ATP8B4: variants seen among roughly 807,000 people sequenced by gnomAD.
ATP8B4 encodes ATPase phospholipid transporting 8B4 (putative), also known as probable phospholipid-transporting ATPase IM.
ATP8B4 carries 133 observed loss-of-function variants against 145.6 expected under a neutral mutation model. The observed-to-expected ratio is 0.91, with a 90% CI of 0.79 to 1.05. The LOEUF (loss-of-function observed/expected upper bound fraction) is 1.05. Ranked by LOEUF, ATP8B4 falls within the 50% of genes least tolerant of loss-of-function variation. The pLI is 0.00. For synonymous variants in ATP8B4, 507 were observed against 492.9 expected (o/e 1.03, Z -0.38); for missense variants, 1,458 against 1,425.2 (o/e 1.02, Z -0.37).
chr15:50,144,349 G>C (rs1277426893), intron 1 of ATP8B4, among the ~76,000 whole-genome samples: 1 of 152,210 alleles, frequency 6.6e-6, no homozygotes, highest in Non-Finnish European at 1.5e-5. Context: ...TCACACTGCT[G>C]TAAAGAAATA....
intron 6 of ATP8B4, among the ~76,000 whole-genome samples, chr15:50,017,892 T>C (rs1221338935): frequency 6.6e-6 from 1 of 152,238 alleles, no homozygotes; most frequent in Non-Finnish European, 1.5e-5. Flanking sequence ...CAGAACTTTT[T>C]AAGAAAATTT....
At chr15:49,864,826 GTAT>G (rs1321378334) in intron 26 of ATP8B4, among the ~76,000 whole-genome samples, 1 of 152,124 alleles carries the variant, frequency 6.6e-6, no homozygotes, top group Non-Finnish European at 1.5e-5. Context: ...TGCTTTATAT[GTAT>G]TATTTCATTT....
chr15:50,075,744 C>T (rs1002570315), intron 2 of ATP8B4, among the ~76,000 whole-genome samples: 1 of 152,208 alleles, frequency 6.6e-6, no homozygotes, highest in African/African-American at 2.4e-5. Context: ...CAAACCCTGG[C>T]TAAAAAGCAC....
chr15:50,050,146 T>C (rs1041394552), intron 3 of ATP8B4, among the ~76,000 whole-genome samples: 1 of 152,214 alleles, frequency 6.6e-6, no homozygotes, highest in African/African-American at 2.4e-5. Context: ...TTTACAGACA[T>C]TTCTTCCCAG....
intron 2 of ATP8B4, 127 bp downstream of exon 2, chr15:50,106,812 G>T: frequency 1.2e-6 from 1 of 837,794 alleles, no homozygotes; most frequent in Admixed American, 3.3e-5. Context: ...GTATATAATC[G>T]TCGAAGTTCA....
At chr15:49,953,263 A>G (rs2043258454) in intron 14 of ATP8B4, among the ~76,000 whole-genome samples, 1 of 152,130 alleles carries the variant, frequency 6.6e-6, no homozygotes, top group Non-Finnish European at 1.5e-5. Flanking sequence ...CACTGGGTGG[A>G]AACCCATTTA....
intron 6 of ATP8B4, chr15:50,018,971 C>G (rs1170338972): frequency 8.1e-7 from 1 of 1,228,246 alleles, no homozygotes; most frequent in South Asian, 1.3e-5. Flanking sequence ...TTTGTACCTT[C>G]AGCACCTTCA....
intron 2 of ATP8B4, among the ~76,000 whole-genome samples, chr15:50,081,541 T>C (rs933919443): frequency 1.3e-5 from 2 of 152,186 alleles, no homozygotes; most frequent in East Asian, 1.9e-4. Context: ...TGGCCTCTTC[T>C]CCATCATAAT....
chr15:50,008,956 A>G (rs1274550071), intron 7 of ATP8B4, among the ~76,000 whole-genome samples: 1 of 152,222 alleles, frequency 6.6e-6, no homozygotes, highest in African/African-American at 2.4e-5. Context: ...AGTGTGTGGC[A>G]TATATCAGTT....
chr15:49,961,976 C>T lies in ATP8B4; in HGVS notation c.1287+1G>A. ...AGAATAAAATTTTATCACTTCCACA[C>T]CTGAGTTATTTCTGTCTTCTGATCC... is the stretch of plus-strand genomic sequence containing the variant. On this transcript the variant is annotated splice_donor_variant, in intron 14 of 27. Transcript: ENST00000284509. LOFTEE classifies it high-confidence loss of function. 1 of 1,593,404 alleles carries T rather than the reference C, an allele frequency of 6.3e-7. No individual in the cohort carries two copies. Among genetic ancestry groups the T allele is most frequent in the Non-Finnish European group, 8.5e-7 (1 of 1,172,558 alleles).
intron 2 of ATP8B4, among the ~76,000 whole-genome samples, chr15:50,096,655 G>A (rs969338977): frequency 1.1e-4 from 17 of 152,148 alleles, no homozygotes; most frequent in African/African-American, 4.1e-4. Context: ...CATAAAAGCT[G>A]ATGAACCTAT....
intron 1 of ATP8B4, among the ~76,000 whole-genome samples, chr15:50,129,961 A>G (rs897446701): frequency 1.3e-5 from 2 of 151,182 alleles, no homozygotes; most frequent in Non-Finnish European, 3.0e-5. Context: ...AAAAAAAAAA[A>G]AAAAAAAAGA....
At chr15:49,877,615 G>A (rs2034667078) in intron 24 of ATP8B4, among the ~76,000 whole-genome samples, 1 of 152,166 alleles carries the variant, frequency 6.6e-6, no homozygotes, top group South Asian at 2.1e-4. Context: ...TTTGAAACAA[G>A]ACAGTCATGA....
chr15:50,036,881 A>C (rs534639123), intron 6 of ATP8B4, among the ~76,000 whole-genome samples: 1 of 152,354 alleles, frequency 6.6e-6, no homozygotes, highest in Admixed American at 6.5e-5. Context: ...TCAACTTTAC[A>C]GGATCGGCAA....
intron 3 of ATP8B4, among the ~76,000 whole-genome samples, chr15:50,070,617 A>G (rs971928310): frequency 2.0e-5 from 3 of 152,176 alleles, no homozygotes; most frequent in Admixed American, 2.0e-4. Context: ...AAGTCCTTTA[A>G]TCTGGGATAT....
chr15:49,950,625 A>C (rs8039857), intron 14 of ATP8B4, among the ~76,000 whole-genome samples: 2,281 of 138,466 alleles, frequency 0.016, 79 homozygotes, highest in African/African-American at 0.046. Context: ...CAAACAAAAA[A>C]AACAACAACA....
At chr15:49,920,982 T>C (rs1222040081) in intron 17 of ATP8B4, among the ~76,000 whole-genome samples, 2 of 152,186 alleles carry the variant, frequency 1.3e-5, no homozygotes, top group Non-Finnish European at 2.9e-5. Flanking sequence ...TTGAAAATTT[T>C]CATGATAAAA....
intron 17 of ATP8B4, among the ~76,000 whole-genome samples, 200 bp from the exon 18 acceptor site, chr15:49,920,610 G>C (rs1397428110): frequency 6.6e-6 from 1 of 152,162 alleles, no homozygotes; most frequent in African/African-American, 2.4e-5. Flanking sequence ...ATTTCTATGA[G>C]GTTAAAACAT....
At chr15:50,077,280 T>C (rs1031337893) in intron 2 of ATP8B4, among the ~76,000 whole-genome samples, 14 of 152,246 alleles carry the variant, frequency 9.2e-5, no homozygotes, top group African/African-American at 3.4e-4. Flanking sequence ...AGATAGCAAG[T>C]TGAGTCTGTC....
Sources: gnomAD v4.1 joint callset for allele counts (sites outside exome capture counted in the v4.1 genomes callset) on GRCh38, gnomAD v4.1.1 for gene constraint, MANE v1.5 for transcripts, NCBI Gene and HGNC (gene_info 2026-07-23, HGNC 2026-07-21) for gene names.